P2RY8: variants seen among roughly 807,000 people sequenced by gnomAD.
P2RY8 encodes P2Y receptor family member 8, also known as S-geranylgeranyl-glutathione receptor P2RY8.
P2RY8 carries 6 observed loss-of-function variants against 10.0 expected under a neutral mutation model. The observed-to-expected ratio is 0.60, with a 90% CI of 0.33 to 1.19. The LOEUF (loss-of-function observed/expected upper bound fraction) is 1.19, where lower values mean the gene tolerates loss of function less well. P2RY8 is among the 50% of genes most tolerant of loss of function. The pLI is 0.04. For missense variants in P2RY8, 456 were observed against 542.0 expected, an observed-to-expected ratio of 0.84 and a Z score of 1.58; for synonymous variants, 276 against 252.5, an observed-to-expected ratio of 1.09 and a Z score of -0.88.
At chrX:1,522,097 CAT>C (rs2092397073) in intron 1 of P2RY8, among the ~76,000 whole-genome samples, 8 of 151,566 alleles carry the variant, frequency 5.3e-5, no homozygotes, top group African/African-American at 1.9e-4. Context: ...GGATTACAGG[CAT>C]GCACCACCAT....
chrX:1,525,826 C>T (rs1344095236), intron 1 of P2RY8, among the ~76,000 whole-genome samples: 2 of 151,774 alleles, frequency 1.3e-5, no homozygotes. Context: ...TTCGCCCATT[C>T]ATTTATTCAT....
At position 1,464,538 on chromosome X, in the gene P2RY8, G is replaced by C; in HGVS notation, c.*941C>G. On this transcript the variant is annotated 3_prime_UTR_variant, in exon 2 of 2. Coordinates refer to ENST00000381297, the MANE Select transcript of P2RY8 (RefSeq NM_178129.5). ...AAAGGACGCGGAGAATGGGCAGGAG[G>C]TGGGGAACTCCCGAATCAAGCTGCA... 1 of 233,524 alleles carries C rather than the reference G, an allele frequency of 4.3e-6. No homozygotes were observed. The highest frequency in any genetic ancestry group is 8.5e-6 in the Non-Finnish European group (1 of 118,254). 14.5% of individuals were successfully genotyped at this position (233,524 alleles called of 1,614,324 possible).
chrX:1,477,576 A>T (rs2091889883), intron 1 of P2RY8, among the ~76,000 whole-genome samples: 1 of 152,196 alleles, frequency 6.6e-6, no homozygotes, highest in African/African-American at 2.4e-5. Context: ...TCTATGCATC[A>T]ATTATTTATC....
At chrX:1,532,514 T>G in intron 1 of P2RY8, among the ~76,000 whole-genome samples, 1 of 149,074 alleles carries the variant, frequency 6.7e-6, no homozygotes, top group Non-Finnish European at 1.5e-5. Context: ...TGTATAGATG[T>G]ATATGATGTG....
At chrX:1,489,610 A>G (rs1431867567) in intron 1 of P2RY8, among the ~76,000 whole-genome samples, 5 of 152,110 alleles carry the variant, frequency 3.3e-5, no homozygotes, top group Non-Finnish European at 5.9e-5. Flanking sequence ...ATGTGGAGGG[A>G]ACGAATGAAT....
At chrX:1,474,938 T>A (rs1364725137) in intron 1 of P2RY8, among the ~76,000 whole-genome samples, 1 of 134,862 alleles carries the variant, frequency 7.4e-6, no homozygotes, top group African/African-American at 2.9e-5. Flanking sequence ...GAATCAGTGT[T>A]TAGGTGGTTG....
intron 1 of P2RY8, among the ~76,000 whole-genome samples, chrX:1,519,375 G>T (rs1302929854): frequency 6.8e-6 from 1 of 147,550 alleles, no homozygotes; most frequent in Non-Finnish European, 1.5e-5. Context: ...ATTCTCTCTG[G>T]TCCCCAATAT....
chrX:1,524,813 C>A (rs1451098753), intron 1 of P2RY8, among the ~76,000 whole-genome samples: 9 of 88,708 alleles, frequency 1.0e-4, no homozygotes, highest in Non-Finnish European at 2.3e-4. Flanking sequence ...ACTCATCCAT[C>A]CATCCATCCA....
intron 1 of P2RY8, among the ~76,000 whole-genome samples, chrX:1,477,849 G>C (rs1215265330): frequency 1.3e-5 from 2 of 152,150 alleles, no homozygotes; most frequent in Admixed American, 1.3e-4. Context: ...AGAGGCTTTC[G>C]GGGAGAGAAA....
chrX:1,491,791 G>A (rs1199151157), intron 1 of P2RY8, among the ~76,000 whole-genome samples: 2 of 151,856 alleles, frequency 1.3e-5, no homozygotes, highest in African/African-American at 4.8e-5. Context: ...GAGCAAATGA[G>A]TAAATGAATG....
intron 1 of P2RY8, among the ~76,000 whole-genome samples, chrX:1,501,449 C>T (rs2092178229): frequency 6.6e-6 from 1 of 152,060 alleles, no homozygotes; most frequent in Non-Finnish European, 1.5e-5. Flanking sequence ...GCAACCTCAA[C>T]TTCCTGGCCT....
intron 1 of P2RY8, among the ~76,000 whole-genome samples, chrX:1,505,552 G>T (rs2092224370): frequency 6.6e-6 from 1 of 152,162 alleles, no homozygotes; most frequent in Non-Finnish European, 1.5e-5. Flanking sequence ...CCTTCTGGGA[G>T]GCCGAGGCGG....
intron 1 of P2RY8, among the ~76,000 whole-genome samples, chrX:1,521,247 T>C (rs1176361856): frequency 6.6e-6 from 1 of 151,932 alleles, no homozygotes; most frequent in Non-Finnish European, 1.5e-5. Context: ...GGAGTTTCAC[T>C]ATATTGGCCA....
At position 1,462,880 on chromosome X, in the gene P2RY8, G is replaced by A. The variant is rs2091603614; in HGVS notation, c.*2599C>T. Reference sequence around the variant, plus strand: ...TCTTTTCACTCAAAGCTCAACCAGTGAACAGACTGAGTCAGCTTCCAGGAA... The same window carrying A: ...TCTTTTCACTCAAAGCTCAACCAGTAAACAGACTGAGTCAGCTTCCAGGAA... On this transcript the variant is annotated 3_prime_UTR_variant, in exon 2 of 2. Coordinates refer to ENST00000381297, the MANE Select transcript of P2RY8 (RefSeq NM_178129.5). 4.3e-6 allele frequency: 1 copy of A among 230,934 alleles called. No individual in the cohort carries two copies. Among genetic ancestry groups the A allele is most frequent in the Non-Finnish European group, 8.6e-6 (1 of 116,808 alleles). The allele number at this position is 230,934 out of a possible 1,614,324, so 14.3% of individuals were successfully genotyped here.
chrX:1,484,724 T>TAAAAAAAAAAAAA (rs1171758279), intron 1 of P2RY8, among the ~76,000 whole-genome samples: 3 of 16,786 alleles, frequency 1.8e-4, no homozygotes, highest in Non-Finnish European at 2.2e-4. Context: ...CAAAACCCTG[T>TAAAAAAAAAAAAA]AAAAAAAAAA....
At chrX:1,504,321 A>AT (rs1407404732) in intron 1 of P2RY8, among the ~76,000 whole-genome samples, 1 of 151,640 alleles carries the variant, frequency 6.6e-6, no homozygotes, top group Non-Finnish European at 1.5e-5. Flanking sequence ...GTGTCAAAAA[A>AT]AAAAAAAGAT....
intron 1 of P2RY8, among the ~76,000 whole-genome samples, chrX:1,529,353 A>G (rs1197287003): frequency 6.6e-6 from 1 of 152,140 alleles, no homozygotes; most frequent in Non-Finnish European, 1.5e-5. Flanking sequence ...GGGATGGGAC[A>G]TGATCTTGCT....
At chrX:1,497,230 A>AG (rs1417406141) in intron 1 of P2RY8, among the ~76,000 whole-genome samples, 2 of 117,316 alleles carry the variant, frequency 1.7e-5, no homozygotes, top group East Asian at 4.8e-4. Flanking sequence ...TCAAAAAAAA[A>AG]AAAAAAGAAA....
intron 1 of P2RY8, among the ~76,000 whole-genome samples, chrX:1,476,512 C>G (rs5949205): frequency 1 from 151,251 of 151,754 alleles, 75,376 homozygotes; most frequent in East Asian, 1. Context: ...GCATGAACCC[C>G]GGAGGCAGAG....
Sources: gnomAD v4.1 joint callset for allele counts (sites outside exome capture counted in the v4.1 genomes callset) on GRCh38, gnomAD v4.1.1 for gene constraint, MANE v1.5 for transcripts, NCBI Gene and HGNC (gene_info 2026-07-23, HGNC 2026-07-21) for gene names.